The following ANXA11 variants were observed in gnomAD, a reference collection of about 807,000 sequenced individuals.
ANXA11 encodes 56 kDa autoantigen.
Under a neutral mutation model 64.7 loss-of-function variants are expected in ANXA11, and 57 were observed. That is an observed-to-expected ratio of 0.88 (90% CI 0.71 to 1.10). ANXA11 has a LOEUF of 1.10. Among genes scored for constraint, ANXA11 ranks in the 50% least tolerant of loss-of-function variants. The probability of loss-of-function intolerance (pLI) is 0.00; values close to 1 mark genes in which losing one functional copy is unlikely to be tolerated. For missense variants in ANXA11, 675 were observed against 670.7 expected (o/e 1.01, Z -0.07); for synonymous variants, 260 against 265.2 (o/e 0.98, Z 0.19).
Position 80,167,114 on chromosome 10 carries a change from C to A in ANXA11, c.649+112G>T, listed in dbSNP as rs1278015343. On this transcript the variant is annotated intron_variant, in intron 6 of 15. Coordinates refer to ENST00000422982, the MANE Select transcript of ANXA11 (RefSeq NM_145868.2). Reference sequence around the variant, plus strand: ...ATACCCCCACATCCACCTTCTATCACCACTGGGGCCAGGTCAGCGTCCCCC... The same window carrying A: ...ATACCCCCACATCCACCTTCTATCAACACTGGGGCCAGGTCAGCGTCCCCC... The A allele has an allele frequency of 7.8e-6, 10 of 1,288,170 alleles. No individual in the cohort carries two copies. The South Asian group carries it at 1.0e-4, about 13-fold the overall frequency. 79.8% of individuals were successfully genotyped at this position (1,288,170 alleles called of 1,614,324 possible).
At chr10:80,160,307 T>C (rs1262021474) in intron 12 of ANXA11, among the ~76,000 whole-genome samples, 1 of 152,214 alleles carries the variant, frequency 6.6e-6, no homozygotes, top group Non-Finnish European at 1.5e-5. Context: ...CATTACAGGA[T>C]AGTGCAGAGG....
rs774025846 is a variant in ANXA11 at position 80,170,817 on chromosome 10, C to A, written c.154G>T (p.Asp52Tyr). The A allele has an allele frequency of 2.0e-6, 3 of 1,488,168 alleles. No homozygotes were observed. The highest frequency in any genetic ancestry group is 1.8e-6 in the Non-Finnish European group (2 of 1,119,036). The allele number at this position is 1,488,168 out of a possible 1,614,324, so 92.2% of individuals were successfully genotyped here. A position where few individuals can be genotyped will look rare whatever the true frequency, so the allele number is the denominator to read the frequency against. ...VATYAGQFNQ[D>Y]YLSGMAANMS... Reference sequence around the variant, plus strand: ...GGACTCACCATTCCCGAGAGATAGTCCTGGTTGAACTGCCCCGCATAGGTG... The same window carrying A: ...GGACTCACCATTCCCGAGAGATAGTACTGGTTGAACTGCCCCGCATAGGTG... The change falls in exon 4 of 16, where the codon GAC becomes TAC. Residue 52 changes from aspartate to tyrosine, a missense_variant. By Grantham distance (160) the Asp-to-Tyr change is radical. Coordinates refer to ENST00000422982, the MANE Select transcript of ANXA11 (RefSeq NM_145868.2).
At chr10:80,191,063 T>G (rs1469359677) in intron 1 of ANXA11, among the ~76,000 whole-genome samples, 1 of 151,780 alleles carries the variant, frequency 6.6e-6, no homozygotes, top group African/African-American at 2.4e-5. Context: ...CCATCTCTAC[T>G]AAAAATACAA....
chr10:80,171,024 G>T, intron 3 of ANXA11, 109 bp from the exon 4 acceptor site: 1 of 1,517,578 alleles, frequency 6.6e-7, no homozygotes, highest in Non-Finnish European at 8.8e-7. Flanking sequence ...GTAAAGCCTC[G>T]AGCCTCGAGC....
At chr10:80,199,926 C>T (rs931227611) in intron 1 of ANXA11, among the ~76,000 whole-genome samples, 10 of 152,264 alleles carry the variant, frequency 6.6e-5, no homozygotes, top group Admixed American at 5.9e-4. Flanking sequence ...ACTTGGGGCC[C>T]GCGTCTTTCT....
intron 1 of ANXA11, among the ~76,000 whole-genome samples, chr10:80,179,976 T>C (rs557672573): frequency 2.0e-5 from 3 of 152,232 alleles, no homozygotes; most frequent in African/African-American, 7.2e-5. Flanking sequence ...CAGCACTGCA[T>C]CAGAAGCCAG....
rs147610631 is a variant in ANXA11, at chr10:80,167,246, C to G, written c.629G>C (p.Arg210Pro). The G allele has an allele frequency of 1.2e-6, 2 of 1,614,124 alleles. 1 individual carries two copies. Among genetic ancestry groups the G allele is most frequent in the South Asian group, 2.2e-5 (2 of 91,084 alleles). The change falls in exon 6 of 16, where the codon CGG (arginine) becomes CCG (proline). Residue 210 changes from arginine (R) to proline (P), a missense_variant. By Grantham distance (103) the Arg-to-Pro change is moderately radical (BLOSUM62 -2). Coordinates refer to ENST00000422982, the MANE Select transcript of ANXA11 (RefSeq NM_145868.2). Reference sequence around the variant, plus strand: ...CTTACCGAAGCCTTTCATGGCCTTCCGCAGGACCTCGGCATCTCGCAGGGG... The same window carrying G: ...CTTACCGAAGCCTTTCATGGCCTTCGGCAGGACCTCGGCATCTCGCAGGGG... The part of the protein sequence containing the change: ...FDPLRDAEVL[R>P]KAMKGFGTDE...
chr10:80,175,513 G>A (rs1314050552), intron 2 of ANXA11, among the ~76,000 whole-genome samples: 1 of 151,732 alleles, frequency 6.6e-6, no homozygotes, highest in Non-Finnish European at 1.5e-5. Context: ...TTCCAGCCAG[G>A]CCAAATAATG....
In ANXA11 at chr10:80,155,586, G is replaced by T; in HGVS notation, c.*267C>A. 1 of 480,484 alleles carries T rather than the reference G, an allele frequency of 2.1e-6. No individual in the cohort carries two copies. The highest frequency in any genetic ancestry group is 1.9e-5 in the African/African-American group (1 of 51,788). The allele number at this position is 480,484 out of a possible 1,614,324, so 29.8% of individuals were successfully genotyped here. On this transcript the variant is annotated 3_prime_UTR_variant, in exon 16 of 16. Transcript: ENST00000422982. ...GTCTTAGCCACAGGCAAAGGGGAAT[G>T]ATTGCATGAGTCAGAAAAATGAAAC...
chr10:80,163,301 G>A (rs1425834301), intron 11 of ANXA11, 48 bp downstream of exon 11: 1 of 1,604,624 alleles, frequency 6.2e-7, no homozygotes, highest in Non-Finnish European at 8.5e-7. Flanking sequence ...AAGAAAGCGG[G>A]GTGCATCCCT....
Position 80,168,951 on chromosome 10 carries a change from C to A in ANXA11, c.561+18G>T. ...GGGCCCAGGCCTGGACCAAGGGAGG[C>A]AGTGGGCTGACACTCACCTGGGTTG... On this transcript the variant is annotated intron_variant, in intron 5 of 15. Coordinates refer to ENST00000422982, the MANE Select transcript of ANXA11 (RefSeq NM_145868.2). 6.6e-7 allele frequency: 1 copy of A among 1,507,802 alleles called. No homozygotes were observed. The allele number at this position is 1,507,802 out of a possible 1,614,324, so 93.4% of individuals were successfully genotyped here.
chr10:80,156,536 C>T (rs1391496253), intron 15 of ANXA11: 13 of 461,228 alleles, frequency 2.8e-5, no homozygotes, highest in Admixed American at 1.2e-4. Flanking sequence ...TTTTTTGAGA[C>T]GAAGTCTCAC....
At chr10:80,164,880 TTG>T (rs529474447) in intron 8 of ANXA11, among the ~76,000 whole-genome samples, 2 of 152,320 alleles carry the variant, frequency 1.3e-5, no homozygotes, top group Non-Finnish European at 2.9e-5. Context: ...ACGTGCGACA[TTG>T]TGTCAGCTGT....
chr10:80,154,620 G>T lies in ANXA11; in HGVS notation c.*1233C>A, dbSNP rs1471457757. 1 of 152,242 alleles carries T rather than the reference G, an allele frequency of 6.6e-6. No individual in the cohort carries two copies. The highest frequency in any genetic ancestry group is 1.5e-5 in the Non-Finnish European group (1 of 68,064). 9.4% of individuals were successfully genotyped at this position (152,242 alleles called of 1,614,324 possible). Reference sequence around the variant, plus strand: ...AAGGTAAGCTCTAGCTTCTGGACATGACACCATAATTCTCAGAAACTCTCT... The same window carrying T: ...AAGGTAAGCTCTAGCTTCTGGACATTACACCATAATTCTCAGAAACTCTCT... On this transcript the variant is annotated 3_prime_UTR_variant, in exon 16 of 16. Transcript: ENST00000422982.
At chr10:80,196,863 C>T (rs1471975129) in intron 1 of ANXA11, among the ~76,000 whole-genome samples, 2 of 152,168 alleles carry the variant, frequency 1.3e-5, no homozygotes, top group Non-Finnish European at 2.9e-5. Context: ...CCTCTGAGGG[C>T]TGGCACCTGG....
At chr10:80,158,152 TC>T in intron 13 of ANXA11, 127 bp from the exon 14 acceptor site, 2 of 825,578 alleles carry the variant, frequency 2.4e-6, no homozygotes, top group Non-Finnish European at 4.0e-6. Flanking sequence ...TCTTTTCTCC[TC>T]CTCCTTCTGT....
chr10:80,151,861 C>T lies in ANXA11; in HGVS notation c.*3992G>A, dbSNP rs944559811. 6 of 152,240 alleles carry T rather than the reference C, an allele frequency of 3.9e-5. No individual in the cohort carries two copies. The highest frequency in any genetic ancestry group is 1.4e-4 in the African/African-American group (6 of 41,458). The allele number at this position is 152,240 out of a possible 1,614,324, so 9.4% of individuals were successfully genotyped here. Reference sequence around the variant, plus strand: ...TACAGATGCAGTTTCCCAGTCCCCACACCTGCTCAAAATGCATGAGGGTCT... The same window carrying T: ...TACAGATGCAGTTTCCCAGTCCCCATACCTGCTCAAAATGCATGAGGGTCT... On this transcript the variant is annotated 3_prime_UTR_variant, in exon 16 of 16. Transcript: ENST00000422982.
At chr10:80,182,193 G>C (rs1846379531) in intron 1 of ANXA11, among the ~76,000 whole-genome samples, 1 of 145,802 alleles carries the variant, frequency 6.9e-6, no homozygotes, top group Admixed American at 6.8e-5. Context: ...ACTGTGGTGG[G>C]AGTGCTAATG....
intron 3 of ANXA11, 41 bp from the exon 4 acceptor site, chr10:80,170,956 C>T (rs768322474): frequency 6.4e-7 from 1 of 1,558,372 alleles, no homozygotes; most frequent in Non-Finnish European, 8.7e-7. Context: ...TGCCAGTCCC[C>T]CACCACACGG....
Sources: gnomAD v4.1 joint callset for allele counts (sites outside exome capture counted in the v4.1 genomes callset) on GRCh38, gnomAD v4.1.1 for gene constraint, MANE v1.5 for transcripts, NCBI Gene and HGNC (gene_info 2026-07-23, HGNC 2026-07-21) for gene names.